BCAR1: variants seen among roughly 807,000 people sequenced by gnomAD.
BCAR1 encodes the protein BCAR1 scaffold protein, Cas family member, also known as breast cancer anti-estrogen resistance protein 1.
A neutral mutation model predicts 67.6 loss-of-function variants in BCAR1; 30 were observed. The observed-to-expected ratio is 0.44, with a 90% CI of 0.33 to 0.60. The LOEUF (loss-of-function observed/expected upper bound fraction) is 0.60, where lower values mean the gene tolerates loss of function less well. Among genes scored for constraint, BCAR1 ranks in the 20% least tolerant of loss-of-function variants. BCAR1 has a pLI of 0.02. For missense variants in BCAR1, 1,313 were observed against 1,222.3 expected (o/e 1.07, Z -1.11); for synonymous variants, 626 against 556.7 (o/e 1.12, Z -1.75).
intron 2 of BCAR1, chr16:75,238,026 A>C: frequency 7.8e-7 from 1 of 1,287,958 alleles, no homozygotes; most frequent in South Asian, 1.2e-5. Context: ...CAGCGACCTG[A>C]AAGGATGAGG....
chr16:75,264,611 C>G lies in BCAR1; in HGVS notation c.66+3304G>C, dbSNP rs544731119. ...GCCCTCATTTTTTCATCTGTAAATACATTACCACTTCTGGAGGCGAGCAGG... is the reference window on the plus strand; with the variant it reads ...GCCCTCATTTTTTCATCTGTAAATAGATTACCACTTCTGGAGGCGAGCAGG... On this transcript the variant is annotated intron_variant, in intron 1 of 6. Transcript: ENST00000393422. The G allele has an allele frequency of 8.3e-5, 106 of 1,279,580 alleles. No individual in the cohort carries two copies. In the African/African-American group the frequency reaches 1.5e-3, roughly 18 times the overall value. The allele number at this position is 1,279,580 out of a possible 1,614,324, so 79.3% of individuals were successfully genotyped here. A position where few individuals can be genotyped will look rare whatever the true frequency, so the allele number is the denominator to read the frequency against.
At chr16:75,264,246 C>T (rs1303673311) in intron 1 of BCAR1, 1 of 1,370,402 alleles carries the variant, frequency 7.3e-7, no homozygotes, top group South Asian at 1.8e-5. Flanking sequence ...TTGGCTCTGA[C>T]TGTGGACAAC....
chr16:75,265,433 G>A (rs2077986368), intron 1 of BCAR1, among the ~76,000 whole-genome samples: 1 of 152,138 alleles, frequency 6.6e-6, no homozygotes, highest in Non-Finnish European at 1.5e-5. Context: ...GGAGTCGCGG[G>A]AGCGGCAGAG....
rs996422935 is a variant in BCAR1, at chr16:75,234,160, GACAGACACACACACAC to G, written c.2011-241_2011-226del. Among the ~76,000 whole-genome samples, 11 of 87,804 alleles carry G rather than the reference GACAGACACACACACAC, an allele frequency of 1.3e-4. No individual in the cohort carries two copies. The South Asian group carries it at 1.8e-3, about 14-fold the overall frequency. 57.6% of individuals were successfully genotyped at this position (87,804 alleles called of 152,430 possible). On this transcript the variant is annotated intron_variant, in intron 5 of 6. Coordinates refer to ENST00000162330, the MANE Select transcript of BCAR1 (RefSeq NM_014567.5). ...AGACTGGCACGTGCAGGGGCAGGCA[GACAGACACACACACAC>G]ACACACACACACACACACACACACA... is the stretch of plus-strand genomic sequence containing the variant.
intron 6 of BCAR1, among the ~76,000 whole-genome samples, chr16:75,232,794 C>T (rs942509783): frequency 2.0e-5 from 3 of 152,162 alleles, no homozygotes; most frequent in Non-Finnish European, 4.4e-5. Flanking sequence ...TGATTCTCAC[C>T]GAGCTCTCAT....
intron 1 of BCAR1, among the ~76,000 whole-genome samples, chr16:75,259,919 C>A (rs1194995932): frequency 4.0e-5 from 6 of 151,290 alleles, no homozygotes; most frequent in Middle Eastern, 3.4e-3. Context: ...CCTGGCCTGG[C>A]TCAGTGGCCC....
At chr16:75,263,315 G>C in intron 1 of BCAR1, 1 of 985,476 alleles carries the variant, frequency 1.0e-6, no homozygotes, top group Non-Finnish European at 1.2e-6. Flanking sequence ...ATGCCAGCCA[G>C]AGGTCTGAGG....
rs1246208962 is a variant in BCAR1, at chr16:75,235,541, G to C, written c.1358C>G (p.Pro453Arg). The C allele has an allele frequency of 6.3e-7, 1 of 1,594,910 alleles. No individual in the cohort carries two copies. The highest frequency in any genetic ancestry group is 8.5e-7 in the Non-Finnish European group (1 of 1,171,412). ...CTCCACAGCAACTTCCAGCTCCAGGGGTTCCCGGCCCGGCCCTGCCACCTC... is the reference window on the plus strand; with the variant it reads ...CTCCACAGCAACTTCCAGCTCCAGGCGTTCCCGGCCCGGCCCTGCCACCTC... ...SLEVAGPGRE[P>R]LELEVAVEAL... The change falls in exon 5 of 7, where the codon CCC becomes CGC. Residue 453 changes from proline (P) to arginine (R), a missense_variant. Physicochemically the swap from Pro to Arg is moderately radical, Grantham distance 103. Transcript: ENST00000162330.
At position 75,242,650 on chromosome 16, in the gene BCAR1, C is replaced by T. The variant is rs749279334; in HGVS notation, c.453G>A (p.Gln151=). Residue 151 remains glutamine, a synonymous_variant, in exon 2 of 7, where the codon CAG becomes CAA. Transcript: ENST00000162330. The part of the protein sequence containing the change: ...PAKQTSTFSK[Q]TPHHPFPSPA... ...GGCTGGGAAACGGGTGATGGGGTGTCTGCTTCGAGAAGGTGGATGTCTGCT... is the reference window on the plus strand; with the variant it reads ...GGCTGGGAAACGGGTGATGGGGTGTTTGCTTCGAGAAGGTGGATGTCTGCT... The T allele has an allele frequency of 7.2e-6, 11 of 1,522,924 alleles. No homozygotes were observed. The South Asian group carries it at 1.4e-4, about 20-fold the overall frequency. 94.3% of individuals were successfully genotyped at this position (1,522,924 alleles called of 1,614,324 possible).
chr16:75,256,044 G>A (rs147424513), upstream of BCAR1: 3,816 of 152,294 alleles, frequency 0.025, 91 homozygotes, highest in Middle Eastern at 0.12. Context: ...TGGATAGCAC[G>A]GAGGTGAACC....
chr16:75,230,902 A>C (rs1236810387), intron 6 of BCAR1, among the ~76,000 whole-genome samples: 1 of 152,114 alleles, frequency 6.6e-6, no homozygotes, highest in Admixed American at 6.5e-5. Context: ...AGCTCTGATG[A>C]GGCAGGGTGA....
chr16:75,250,500 G>A (rs1177722285), intron 1 of BCAR1, among the ~76,000 whole-genome samples: 2 of 152,104 alleles, frequency 1.3e-5, no homozygotes, highest in Admixed American at 6.5e-5. Flanking sequence ...GGCGGGCCCC[G>A]GGAGGGGTGT....
intron 2 of BCAR1, 85 bp from the exon 3 acceptor site, chr16:75,237,429 A>G: frequency 7.2e-7 from 1 of 1,384,578 alleles, no homozygotes; most frequent in Non-Finnish European, 9.4e-7. Context: ...ACGTCCTTTT[A>G]GGAGGTGGGC....
chr16:75,239,949 C>T (rs1416474362), intron 2 of BCAR1, among the ~76,000 whole-genome samples: 1 of 152,222 alleles, frequency 6.6e-6, no homozygotes, highest in Non-Finnish European at 1.5e-5. Flanking sequence ...ACTACCTGAG[C>T]GACCTCCCAC....
At position 75,236,003 on chromosome 16, in the gene BCAR1, G is replaced by T; in HGVS notation, c.913-17C>A. The T allele has an allele frequency of 6.4e-7, 1 of 1,555,760 alleles. No homozygotes were observed. The highest frequency in any genetic ancestry group is 8.7e-7 in the Non-Finnish European group (1 of 1,150,142). ...GTCGTAGACCTGGGGGACAAGCGGT[G>T]GTCAAGACTGTCCATCTGTCCATCT... On this transcript the variant is annotated splice_polypyrimidine_tract_variant and intron_variant, in intron 4 of 6. Coordinates refer to ENST00000162330, the MANE Select transcript of BCAR1 (RefSeq NM_014567.5).
At chr16:75,240,502 T>C (rs1031641986) in intron 2 of BCAR1, among the ~76,000 whole-genome samples, 4 of 152,218 alleles carry the variant, frequency 2.6e-5, no homozygotes, top group South Asian at 2.1e-4. Flanking sequence ...ATATCTAATG[T>C]TGGATTTACA....
Position 75,234,085 on chromosome 16 carries a change from T to G in BCAR1, c.2011-150A>C, listed in dbSNP as rs1288567142. 4 of 678,050 alleles carry G rather than the reference T, an allele frequency of 5.9e-6. No individual in the cohort carries two copies. In the East Asian group the frequency reaches 1.1e-4, roughly 19 times the overall value. The allele number at this position is 678,050 out of a possible 1,614,324, so 42.0% of individuals were successfully genotyped here. ...CGCACACGTGGACGCACACACACAC[T>G]AGCACACGTGGACACACACACACAC... On this transcript the variant is annotated intron_variant, in intron 5 of 6. Transcript: ENST00000162330.
intron 2 of BCAR1, chr16:75,238,968 C>A (rs958890552): frequency 2.0e-6 from 2 of 985,292 alleles, no homozygotes; most frequent in African/African-American, 1.7e-5. Context: ...TCCAAAAGCA[C>A]CCTGCCGGTG....
upstream of BCAR1, among the ~76,000 whole-genome samples, chr16:75,254,316 C>A (rs550446389): frequency 5.9e-5 from 9 of 152,154 alleles, no homozygotes; most frequent in Non-Finnish European, 1.2e-4. Flanking sequence ...TGCAAAAGGA[C>A]AGGCAACTGA....
Sources: allele counts gnomAD v4.1 joint callset (sites outside exome capture counted in the v4.1 genomes callset), GRCh38; gene constraint gnomAD v4.1.1; transcripts MANE v1.5; gene names NCBI Gene and HGNC (gene_info 2026-07-23, HGNC 2026-07-21).